ITSN2: variants seen among roughly 807,000 people sequenced by gnomAD.
The protein encoded by ITSN2 is intersectin 2.
ITSN2 carries 156 observed loss-of-function variants against 243.7 expected under a neutral mutation model. The ratio of observed to expected loss-of-function variants is 0.64; its 90% confidence interval spans 0.56 to 0.73. ITSN2 has a LOEUF of 0.73. Among genes scored for constraint, ITSN2 ranks in the 30% least tolerant of loss-of-function variants. ITSN2 has a pLI of 0.00. For synonymous variants in ITSN2, 703 were observed against 699.9 expected (o/e 1.00, Z -0.07); for missense variants, 1,801 against 1,996.1 (o/e 0.90, Z 1.86).
Position 24,203,521 on chromosome 2 carries a change from A to AG in ITSN2, c.*104dup. ...AGCCCCCAGCGTGCATGGCTTTGTG[A>AG]GGGGTGAAGCTGCATGGTGCTCCCT... On this transcript the variant is annotated 3_prime_UTR_variant, in exon 40 of 40. Coordinates refer to ENST00000355123, the MANE Select transcript of ITSN2 (RefSeq NM_006277.3). The AG allele has an allele frequency of 8.7e-7, 1 of 1,147,992 alleles. No individual in the cohort carries two copies. Among genetic ancestry groups the AG allele is most frequent in the Non-Finnish European group, 1.2e-6 (1 of 823,964 alleles). The allele number at this position is 1,147,992 out of a possible 1,614,324, so 71.1% of individuals were successfully genotyped here. A position where few individuals can be genotyped will look rare whatever the true frequency, so the allele number is the denominator to read the frequency against.
chr2:24,323,344 G>T (rs1333294605), intron 2 of ITSN2, among the ~76,000 whole-genome samples: 1 of 152,076 alleles, frequency 6.6e-6, no homozygotes, highest in Non-Finnish European at 1.5e-5. Context: ...GCACCTGAAC[G>T]GCTGAATGGA....
intron 32 of ITSN2, chr2:24,214,438 A>G (rs1414816824): frequency 6.6e-6 from 1 of 151,368 alleles, no homozygotes; most frequent in Non-Finnish European, 1.5e-5. Flanking sequence ...AAGTTTCTCA[A>G]TTTTCTCCTT....
chr2:24,267,282 G>A (rs1574079737), intron 20 of ITSN2, among the ~76,000 whole-genome samples: 2 of 151,652 alleles, frequency 1.3e-5, no homozygotes, highest in African/African-American at 4.9e-5. Flanking sequence ...AATACCTAAC[G>A]TAGATGACAG....
intron 20 of ITSN2, among the ~76,000 whole-genome samples, chr2:24,264,273 C>T (rs1195743799): frequency 6.6e-6 from 1 of 151,924 alleles, no homozygotes; most frequent in East Asian, 1.9e-4. Flanking sequence ...TGCCTGTGGT[C>T]CCAGCTACTC....
At chr2:24,270,607 C>A in intron 20 of ITSN2, 64 bp downstream of exon 20, 1 of 783,564 alleles carries the variant, frequency 1.3e-6, no homozygotes, top group Non-Finnish European at 2.2e-6. Flanking sequence ...AACATTACTA[C>A]AGAAACTAAT....
At position 24,220,886 on chromosome 2, in the gene ITSN2, A is replaced by G. The variant is rs781463054; in HGVS notation, c.3699+59T>C. On this transcript the variant is annotated intron_variant, in intron 30 of 39. Transcript: ENST00000355123. ...GGAGGCAGCCCTGAGTCTGATGCCC[A>G]CCATCTCTCATGAGAGACAGCAGAT... The G allele has an allele frequency of 2.3e-5, 35 of 1,529,110 alleles. No homozygotes were observed. The Middle Eastern group carries it at 5.2e-4, about 23-fold the overall frequency. The allele number at this position is 1,529,110 out of a possible 1,614,324, so 94.7% of individuals were successfully genotyped here.
At chr2:24,307,836 C>A (rs1335988723) in intron 8 of ITSN2, among the ~76,000 whole-genome samples, 1 of 152,158 alleles carries the variant, frequency 6.6e-6, no homozygotes, top group Admixed American at 6.6e-5. Context: ...ATCAAATGCC[C>A]CCACGTTCAA....
chr2:24,317,298 C>A (rs1558618127), intron 2 of ITSN2, among the ~76,000 whole-genome samples: 1 of 150,602 alleles, frequency 6.6e-6, no homozygotes, highest in Non-Finnish European at 1.5e-5. Context: ...GCAAGAGGAT[C>A]ATTTGAACCC....
At position 24,325,448 on chromosome 2, in the gene ITSN2, C is replaced by T. The variant is rs190468659; in HGVS notation, c.31+2604G>A. Among the ~76,000 whole-genome samples the T allele has an allele frequency of 2.0e-3, 302 of 152,130 alleles. 1 individual carries two copies. The highest frequency in any genetic ancestry group is 3.2e-3 in the Non-Finnish European group (216 of 67,998). On this transcript the variant is annotated intron_variant, in intron 2 of 39. Coordinates refer to ENST00000355123, the MANE Select transcript of ITSN2 (RefSeq NM_006277.3). ...ACTGCAATAAGAAAACTGGGCAATA[C>T]GTGTAATTCAAAGCCAATTTTAAAA...
rs764016320 is a variant in ITSN2, at chr2:24,252,435, C to A, written c.3030G>T (p.Val1010=). The A allele has an allele frequency of 6.2e-7, 1 of 1,612,712 alleles. No individual in the cohort carries two copies. The highest frequency in any genetic ancestry group is 8.5e-7 in the Non-Finnish European group (1 of 1,178,838). Residue 1010 remains valine (V), a synonymous_variant, in exon 25 of 40, where the codon GTG becomes GTT. Transcript: ENST00000355123. Reference sequence around the variant, plus strand: ...TCCACCACTCTCCATCTTTCTGGGTCACCAATATTTCTTCACCTTCTGTGA... The same window carrying A: ...TCCACCACTCTCCATCTTTCTGGGTAACCAATATTTCTTCACCTTCTGTGA... ...LTFTEGEEIL[V]TQKDGEWWTG...
chr2:24,333,932 C>G (rs565625208), intron 1 of ITSN2, among the ~76,000 whole-genome samples: 1 of 152,310 alleles, frequency 6.6e-6, no homozygotes, highest in South Asian at 2.1e-4. Context: ...TTCTGTCACT[C>G]AGACTGGAGT....
rs1253755514 is a variant in ITSN2, at chr2:24,248,760, C to A, written c.3167-10G>T. 2.1e-5 allele frequency: 34 copies of A among 1,612,830 alleles called. No individual in the cohort carries two copies. Among genetic ancestry groups the A allele is most frequent in the Non-Finnish European group, 2.8e-5 (33 of 1,179,632 alleles). On this transcript the variant is annotated splice_polypyrimidine_tract_variant and intron_variant, in intron 26 of 39. Transcript: ENST00000355123. ...GTTACCTGAGCAATCTCTGAAAAGA[C>A]AAAGAAGAAACTATGAATTCAAGAT... is the stretch of plus-strand genomic sequence containing the variant.
chr2:24,226,863 A>G (rs1291762237), intron 29 of ITSN2, among the ~76,000 whole-genome samples: 1 of 152,198 alleles, frequency 6.6e-6, no homozygotes, highest in Non-Finnish European at 1.5e-5. Context: ...CTTTAAAGAA[A>G]AAGAACTTCC....
chr2:24,253,611 C>T (rs1012167695), intron 24 of ITSN2, among the ~76,000 whole-genome samples: 2 of 152,200 alleles, frequency 1.3e-5, no homozygotes, highest in East Asian at 1.9e-4. Context: ...TGGTTTTGTT[C>T]GCTCATTAAA....
intron 18 of ITSN2, 86 bp downstream of exon 18, chr2:24,275,627 C>T: frequency 8.9e-7 from 1 of 1,127,706 alleles, no homozygotes; most frequent in Non-Finnish European, 1.2e-6. Context: ...CTTTATTTTC[C>T]TTAAATTTTC....
intron 20 of ITSN2, among the ~76,000 whole-genome samples, chr2:24,267,934 AT>A (rs1161829713): frequency 6.6e-6 from 1 of 152,160 alleles, no homozygotes; most frequent in African/African-American, 2.4e-5. Context: ...AATCTCGTTC[AT>A]TTATTCTGTA....
intron 23 of ITSN2, among the ~76,000 whole-genome samples, chr2:24,254,837 A>G (rs1217765223): frequency 6.6e-6 from 1 of 152,204 alleles, no homozygotes; most frequent in African/African-American, 2.4e-5. Flanking sequence ...AAAAAATAAA[A>G]ATAATAAAAC....
In ITSN2 at chr2:24,275,693, AAATATATCAGCTATATT is replaced by A. The variant is rs756279708; in HGVS notation, c.2081+3_2081+19del. 7.3e-5 allele frequency: 116 copies of A among 1,581,176 alleles called. No individual in the cohort carries two copies. Among genetic ancestry groups the A allele is most frequent in the Non-Finnish European group, 9.5e-5 (110 of 1,157,114 alleles). ...AATTCTAATGGCAATATAGCACAAT[AAATATATCAGCTATATT>A]ACCTTGCAGCCTCATCTTCTAGTTT... On this transcript the variant is annotated splice_donor_5th_base_variant and intron_variant, in intron 18 of 39. Transcript: ENST00000355123.
At chr2:24,324,049 G>T (rs1273695618) in intron 2 of ITSN2, among the ~76,000 whole-genome samples, 1 of 152,086 alleles carries the variant, frequency 6.6e-6, no homozygotes, top group Non-Finnish European at 1.5e-5. Context: ...TGGCTAACGT[G>T]GTGAAACCCC....
Sources: allele counts gnomAD v4.1 joint callset (sites outside exome capture counted in the v4.1 genomes callset), GRCh38; gene constraint gnomAD v4.1.1; transcripts MANE v1.5; gene names NCBI Gene and HGNC (gene_info 2026-07-23, HGNC 2026-07-21).